The following TFDP2 variants were observed in gnomAD, a reference collection of about 807,000 sequenced individuals.
TFDP2 encodes the protein transcription factor Dp-2 (E2F dimerization partner 2).
TFDP2 carries 17 observed loss-of-function variants against 59.3 expected under a neutral mutation model. The observed-to-expected ratio is 0.29, with a 90% CI of 0.20 to 0.43. The LOEUF (loss-of-function observed/expected upper bound fraction) is 0.43. TFDP2 is among the 20% of genes least tolerant of loss of function. The pLI, the probability that TFDP2 is intolerant of heterozygous loss-of-function variation, is 1.00. For synonymous variants in TFDP2, 180 were observed against 194.7 expected (o/e 0.92, Z 0.63); for missense variants, 391 against 528.8 (o/e 0.74, Z 2.56).
chr3:142,102,728 G>T (rs989336646), intron 1 of TFDP2, among the ~76,000 whole-genome samples: 3 of 152,134 alleles, frequency 2.0e-5, no homozygotes, highest in African/African-American at 7.2e-5. Context: ...CAATAATGGG[G>T]CAAGCCAACA....
chr3:142,034,083 G>A (rs1158130091), intron 3 of TFDP2, among the ~76,000 whole-genome samples: 1 of 138,804 alleles, frequency 7.2e-6, no homozygotes, highest in Admixed American at 8.0e-5. Context: ...CTCAGCTTTT[G>A]CACCAACTTT....
At chr3:141,989,881 A>ATTATTATTATTATTATT (rs749856211) in intron 6 of TFDP2, among the ~76,000 whole-genome samples, 15 of 149,488 alleles carry the variant, frequency 1.0e-4, no homozygotes, top group Non-Finnish European at 1.6e-4. Flanking sequence ...TTACTTTAAT[A>ATTATTATTATTATTATT]ATAATAATAA....
rs1466737334 is a variant in TFDP2 at position 141,947,522 on chromosome 3, C to T, written c.*4991G>A. 1.3e-5 allele frequency: 2 copies of T among 152,160 alleles called. No homozygotes were observed. The highest frequency in any genetic ancestry group is 2.9e-5 in the Non-Finnish European group (2 of 68,072). The allele number at this position is 152,160 out of a possible 1,614,324, so 9.4% of individuals were successfully genotyped here. On this transcript the variant is annotated 3_prime_UTR_variant, in exon 13 of 13. Transcript: ENST00000489671. ...CTCCGCCTCCTGGGTTCAAGTGATT[C>T]TCCTGCCTCAGCCTCCCGAGTAGCT... is the stretch of plus-strand genomic sequence containing the variant.
intron 3 of TFDP2, among the ~76,000 whole-genome samples, chr3:142,086,547 T>G (rs745877498): frequency 6.6e-6 from 1 of 152,178 alleles, no homozygotes; most frequent in African/African-American, 2.4e-5. Flanking sequence ...ACAAAGGACG[T>G]AGATGAACAA....
chr3:141,997,824 TG>T (rs1943406298), intron 4 of TFDP2, among the ~76,000 whole-genome samples: 1 of 116,760 alleles, frequency 8.6e-6, no homozygotes, highest in Non-Finnish European at 1.6e-5. Flanking sequence ...CACTCCAGCC[TG>T]GGCGACAGAG....
intron 11 of TFDP2, among the ~76,000 whole-genome samples, chr3:141,955,670 A>G (rs1302485894): frequency 6.6e-6 from 1 of 152,156 alleles, no homozygotes; most frequent in Non-Finnish European, 1.5e-5. Context: ...AATTAAAGCT[A>G]CCTTTTTGCT....
chr3:142,021,964 C>G (rs1320797858), intron 3 of TFDP2, among the ~76,000 whole-genome samples: 1 of 152,092 alleles, frequency 6.6e-6, no homozygotes, highest in Non-Finnish European at 1.5e-5. Context: ...TAAAATATGT[C>G]CTTTTGAAAT....
At chr3:141,992,087 A>G (rs1233621649) in intron 6 of TFDP2, among the ~76,000 whole-genome samples, 1 of 149,524 alleles carries the variant, frequency 6.7e-6, no homozygotes, top group Non-Finnish European at 1.5e-5. Flanking sequence ...AGAAGGAAGG[A>G]AGGAAGGAAA....
intron 3 of TFDP2, among the ~76,000 whole-genome samples, chr3:142,034,918 A>C (rs1946619642): frequency 6.6e-6 from 1 of 151,848 alleles, no homozygotes; most frequent in East Asian, 1.9e-4. Flanking sequence ...GTGTTAACCA[A>C]GATGGTCCCG....
At chr3:141,963,460 A>G (rs1047407529) in intron 10 of TFDP2, among the ~76,000 whole-genome samples, 3 of 152,216 alleles carry the variant, frequency 2.0e-5, no homozygotes, top group African/African-American at 7.2e-5. Context: ...ACGGTGAATC[A>G]CCAATGAATC....
chr3:142,112,826 T>C (rs1560157324), intron 1 of TFDP2, among the ~76,000 whole-genome samples: 2 of 152,160 alleles, frequency 1.3e-5, no homozygotes, highest in Non-Finnish European at 2.9e-5. Flanking sequence ...CAGCCAAAAC[T>C]GGATTGACAT....
intron 3 of TFDP2, among the ~76,000 whole-genome samples, chr3:142,012,753 C>T (rs1374194872): frequency 6.6e-6 from 1 of 152,118 alleles, no homozygotes; most frequent in Non-Finnish European, 1.5e-5. Context: ...GTGGTTAGCA[C>T]TGATGAGTAG....
At chr3:142,103,487 A>G (rs1323630845) in intron 1 of TFDP2, among the ~76,000 whole-genome samples, 1 of 152,080 alleles carries the variant, frequency 6.6e-6, no homozygotes, top group Non-Finnish European at 1.5e-5. Context: ...AAAACTATGG[A>G]GTTTTCTATA....
In TFDP2 at chr3:141,959,939, C is replaced by T. The variant is rs1336271977; in HGVS notation, c.885-99G>A. 6.8e-6 allele frequency: 8 copies of T among 1,178,166 alleles called. No homozygotes were observed. The Admixed American group carries it at 9.0e-5, about 13-fold the overall frequency. 73.0% of individuals were successfully genotyped at this position (1,178,166 alleles called of 1,614,324 possible). A position where few individuals can be genotyped will look rare whatever the true frequency, so the allele number is the denominator to read the frequency against. ...AAGTAACAGAATGGGGGCCTAAATCCAGCTATAGTGCTAGAAATTGCTACC... is the reference window on the plus strand; with the variant it reads ...AAGTAACAGAATGGGGGCCTAAATCTAGCTATAGTGCTAGAAATTGCTACC... On this transcript the variant is annotated intron_variant, in intron 10 of 12. Coordinates refer to ENST00000489671, the MANE Select transcript of TFDP2 (RefSeq NM_001178139.2).
At chr3:142,060,645 T>C (rs866000679) in intron 3 of TFDP2, among the ~76,000 whole-genome samples, 1 of 152,168 alleles carries the variant, frequency 6.6e-6, no homozygotes, top group Admixed American at 6.5e-5. Flanking sequence ...GTTTTTGGGT[T>C]GTTCTGTGCC....
At position 142,149,295 on chromosome 3, in the gene TFDP2, C is replaced by G. The variant is rs1365861572; in HGVS notation, c.-205G>C. The G allele has an allele frequency of 5.1e-6, 2 of 395,898 alleles. No individual in the cohort carries two copies. Among genetic ancestry groups the G allele is most frequent in the Non-Finnish European group, 8.9e-6 (2 of 224,338 alleles). The allele number at this position is 395,898 out of a possible 1,614,324, so 24.5% of individuals were successfully genotyped here. ...GCCCGCGCTTAGGCGGCGGCCGGGT[C>G]CCGGTGGACTCACACCCGGGGAGAC... On this transcript the variant is annotated 5_prime_UTR_variant, in exon 1 of 13. Coordinates refer to ENST00000489671, the MANE Select transcript of TFDP2 (RefSeq NM_001178139.2).
chr3:142,096,404 C>T (rs1368982192), intron 2 of TFDP2, among the ~76,000 whole-genome samples: 1 of 152,110 alleles, frequency 6.6e-6, no homozygotes, highest in East Asian at 1.9e-4. Context: ...TTAAAAAGGA[C>T]TTATCTTTCA....
At chr3:142,008,156 A>G (rs1046984905) in intron 3 of TFDP2, among the ~76,000 whole-genome samples, 4 of 152,120 alleles carry the variant, frequency 2.6e-5, no homozygotes, top group Non-Finnish European at 5.9e-5. Context: ...AGCTGCTGAT[A>G]TAATTGATCT....
rs536419741 is a variant in TFDP2 at position 141,986,117 on chromosome 3, T to C, written c.356+7421A>G. On this transcript the variant is annotated intron_variant, in intron 6 of 12. Transcript: ENST00000489671. ...CACTCCTTAGTCTGAGCTTAGTCTA[T>C]AAAAGATGGCTAGGAATACACCACA... Among the ~76,000 whole-genome samples the C allele has an allele frequency of 2.6e-5, 4 of 152,310 alleles. No individual in the cohort carries two copies. The South Asian group carries it at 8.3e-4, about 32-fold the overall frequency.
Sources: allele counts gnomAD v4.1 joint callset (sites outside exome capture counted in the v4.1 genomes callset), GRCh38; gene constraint gnomAD v4.1.1; transcripts MANE v1.5; gene names NCBI Gene and HGNC (gene_info 2026-07-23, HGNC 2026-07-21).